ABLIM3: variants seen among roughly 807,000 people sequenced by gnomAD.
ABLIM3 encodes actin binding LIM protein family member 3.
In ABLIM3, 61 loss-of-function variants were observed where a neutral mutation model predicts 109.5. That is an observed-to-expected ratio of 0.56 (90% confidence interval 0.45 to 0.69). The LOEUF (loss-of-function observed/expected upper bound fraction) is 0.69. ABLIM3 is among the 30% of genes least tolerant of loss of function. ABLIM3 has a pLI of 0.00. For synonymous variants in ABLIM3, 300 were observed against 324.8 expected, an observed-to-expected ratio of 0.92 and a Z score of 0.82; for missense variants, 796 against 889.5, an observed-to-expected ratio of 0.89 and a Z score of 1.34.
chr5:149,145,011 A>G (rs1752790035), intron 2 of ABLIM3, among the ~76,000 whole-genome samples: 1 of 152,184 alleles, frequency 6.6e-6, no homozygotes, highest in Non-Finnish European at 1.5e-5. Context: ...TTTTAGATTC[A>G]GAAGGTACAT....
chr5:149,233,886 C>A (rs149517170), intron 10 of ABLIM3, among the ~76,000 whole-genome samples: 1 of 152,334 alleles, frequency 6.6e-6, no homozygotes, highest in African/African-American at 2.4e-5. Context: ...CACAGAGAGA[C>A]TCATCATTTG....
At chr5:149,241,313 G>T (rs567694187) in intron 14 of ABLIM3, among the ~76,000 whole-genome samples, 38 of 152,346 alleles carry the variant, frequency 2.5e-4, no homozygotes, top group South Asian at 1.2e-3. Context: ...AGATAAAAAT[G>T]AGTAAACAAA....
intron 23 of ABLIM3, among the ~76,000 whole-genome samples, chr5:149,256,179 G>C (rs1015428846): frequency 6.6e-6 from 1 of 152,192 alleles, no homozygotes; most frequent in Non-Finnish European, 1.5e-5. Context: ...TCTCCTTCCA[G>C]TGTGTCCTGC....
chr5:149,191,054 A>G (rs975020653), intron 3 of ABLIM3, among the ~76,000 whole-genome samples: 1 of 152,190 alleles, frequency 6.6e-6, no homozygotes, highest in African/African-American at 2.4e-5. Flanking sequence ...TTTGAAGAGC[A>G]GAATGAATCC....
At chr5:149,217,087 C>T in intron 8 of ABLIM3, 41 bp downstream of exon 8, 2 of 1,558,332 alleles carry the variant, frequency 1.3e-6, no homozygotes, top group Non-Finnish European at 1.8e-6. Flanking sequence ...CCGACCTGCT[C>T]ATGACTGGAA....
Position 149,259,715 on chromosome 5 carries a change from G to A in ABLIM3, c.*1311G>A, listed in dbSNP as rs1428357446. On this transcript the variant is annotated 3_prime_UTR_variant, in exon 24 of 24. Transcript: ENST00000309868. ...TCTCCAAACCTTTCACCTTGAATGG[G>A]TAATGTTTGGTGGGGGCTGTTCCTT... The A allele has an allele frequency of 2.7e-5, 26 of 958,314 alleles. No individual in the cohort carries two copies. Among genetic ancestry groups the A allele is most frequent in the Non-Finnish European group, 3.9e-5 (25 of 635,114 alleles). The allele number at this position is 958,314 out of a possible 1,614,324, so 59.4% of individuals were successfully genotyped here. A position where few individuals can be genotyped will look rare whatever the true frequency, so the allele number is the denominator to read the frequency against.
At chr5:149,185,945 A>C (rs10515623) in intron 3 of ABLIM3, among the ~76,000 whole-genome samples, 6,836 of 152,298 alleles carry the variant, frequency 0.045, 472 homozygotes, top group African/African-American at 0.15. Flanking sequence ...TGTTGTCTAA[A>C]TGGATCATGG....
intron 23 of ABLIM3, among the ~76,000 whole-genome samples, chr5:149,256,739 A>C (rs1754457507): frequency 6.6e-6 from 1 of 152,224 alleles, no homozygotes; most frequent in Non-Finnish European, 1.5e-5. Context: ...CAGAAAATAA[A>C]ATAGGTAAAT....
rs373722860 is a variant in ABLIM3, at chr5:149,230,712, G to A, written c.816+5G>A. 5 of 1,613,960 alleles carry A rather than the reference G, an allele frequency of 3.1e-6. No individual in the cohort carries two copies. The highest frequency in any genetic ancestry group is 4.2e-6 in the Non-Finnish European group (5 of 1,179,962). On this transcript the variant is annotated splice_donor_5th_base_variant and intron_variant, in intron 9 of 23. Transcript: ENST00000309868. The stretch of plus-strand genomic sequence containing the variant: ...CGGGCAGAGAAGAAGTTAAAGGTAA[G>A]CAAGCTAGTAGATTCCAGACCAGCA...
intron 12 of ABLIM3, 86 bp downstream of exon 12, chr5:149,239,363 C>A: frequency 6.9e-7 from 1 of 1,458,040 alleles, no homozygotes; most frequent in Non-Finnish European, 9.6e-7. Flanking sequence ...CCGAAGGTGT[C>A]TGAGCCCTTG....
intron 2 of ABLIM3, among the ~76,000 whole-genome samples, chr5:149,179,931 G>A (rs12655981): frequency 6.6e-6 from 1 of 152,204 alleles, no homozygotes; most frequent in Admixed American, 6.5e-5. Flanking sequence ...ATAGCACTAA[G>A]GGCTAGTAAC....
chr5:149,223,390 C>A lies in ABLIM3; in HGVS notation c.757+6344C>A, dbSNP rs368573701. Among the ~76,000 whole-genome samples, 46 of 152,258 alleles carry A rather than the reference C, an allele frequency of 3.0e-4. 3 individuals are homozygous for A. In the South Asian group the frequency reaches 9.5e-3, roughly 32 times the overall value. On this transcript the variant is annotated intron_variant, in intron 8 of 23. Transcript: ENST00000309868. ...CTCTATTTTCTGAGAAACAAAATTG[C>A]CTGCTGGGCAAGTCAAGAACTTGTC...
intron 2 of ABLIM3, among the ~76,000 whole-genome samples, chr5:149,155,066 A>G (rs1323406019): frequency 1.3e-5 from 2 of 152,250 alleles, no homozygotes; most frequent in African/African-American, 4.8e-5. Flanking sequence ...TTTACATAAA[A>G]GGAAAATGAG....
chr5:149,183,105 T>A (rs1374465515), intron 2 of ABLIM3, among the ~76,000 whole-genome samples: 1 of 152,250 alleles, frequency 6.6e-6, no homozygotes, highest in African/African-American at 2.4e-5. Flanking sequence ...GTTTGGGGCC[T>A]AATTTTAATT....
chr5:149,223,426 G>A (rs765270728), intron 8 of ABLIM3, among the ~76,000 whole-genome samples: 1 of 152,154 alleles, frequency 6.6e-6, no homozygotes. Context: ...AGATATTCAG[G>A]TTTTAGCTCG....
intron 23 of ABLIM3, among the ~76,000 whole-genome samples, chr5:149,255,442 GA>G (rs1754344611): frequency 6.6e-6 from 1 of 152,004 alleles, no homozygotes; most frequent in Non-Finnish European, 1.5e-5. Context: ...TTGACACAAA[GA>G]AAAAATAAAT....
chr5:149,256,424 A>T lies in ABLIM3; in HGVS notation c.1939-1867A>T, dbSNP rs574692714. Among the ~76,000 whole-genome samples, 104 of 152,248 alleles carry T rather than the reference A, an allele frequency of 6.8e-4. 1 individual carries two copies. The highest frequency in any genetic ancestry group is 1.2e-3 in the Non-Finnish European group (79 of 68,048). ...TTCAGCACTCACTTGAGTAGCACAA[A>T]CATGGACAAGTCAATAGTACAAAGA... On this transcript the variant is annotated intron_variant, in intron 23 of 23. Coordinates refer to ENST00000309868, the MANE Select transcript of ABLIM3 (RefSeq NM_014945.5).
At chr5:149,258,201 C>T (rs887948674) in intron 23 of ABLIM3, 90 bp from the exon 24 acceptor site, 7 of 1,136,838 alleles carry the variant, frequency 6.2e-6, no homozygotes, top group Non-Finnish European at 7.7e-6. Context: ...ATGCAGCACC[C>T]ACTGCTGCCT....
chr5:149,201,467 G>A (rs137854958), intron 5 of ABLIM3, among the ~76,000 whole-genome samples: 12 of 152,216 alleles, frequency 7.9e-5, no homozygotes, highest in East Asian at 3.9e-4. Context: ...AGATCACCCC[G>A]AGTCAGCAGG....
Sources: gnomAD v4.1 joint callset for allele counts (sites outside exome capture counted in the v4.1 genomes callset) on GRCh38, gnomAD v4.1.1 for gene constraint, MANE v1.5 for transcripts, NCBI Gene and HGNC (gene_info 2026-07-23, HGNC 2026-07-21) for gene names.